CLPX: variants seen among roughly 807,000 people sequenced by gnomAD.
CLPX encodes the protein ATP-dependent clpX-like chaperone, mitochondrial.
A neutral mutation model predicts 76.4 loss-of-function variants in CLPX; 34 were observed. The ratio of observed to expected loss-of-function variants is 0.45; its 90% CI spans 0.34 to 0.59. The LOEUF (loss-of-function observed/expected upper bound fraction) is 0.59. CLPX is among the 20% of genes least tolerant of loss of function. CLPX has a pLI of 0.01. For missense variants in CLPX, 613 were observed against 757.0 expected, an observed-to-expected ratio of 0.81 and a Z score of 2.23; for synonymous variants, 248 against 270.9, an observed-to-expected ratio of 0.92 and a Z score of 0.83.
At chr15:65,155,613 C>T (rs1208401119) in intron 10 of CLPX, 79 bp downstream of exon 10, 24 of 1,189,496 alleles carry the variant, frequency 2.0e-5, no homozygotes, top group East Asian at 4.7e-5. Flanking sequence ...ACTGGTAGCC[C>T]GCAGATATGA....
intron 12 of CLPX, among the ~76,000 whole-genome samples, 178 bp downstream of exon 12, chr15:65,153,369 G>T (rs1000450538): frequency 3.3e-5 from 5 of 152,116 alleles, no homozygotes; most frequent in Non-Finnish European, 7.4e-5. Flanking sequence ...AAGACTGCTT[G>T]AGCCTCAGCC....
At chr15:65,163,916 TG>T (rs1408640331) in intron 5 of CLPX, 112 bp downstream of exon 5, 5 of 1,033,322 alleles carry the variant, frequency 4.8e-6, no homozygotes, top group Non-Finnish European at 7.3e-6. Context: ...ACCTGCACTT[TG>T]AAAAATGCCA....
intron 3 of CLPX, among the ~76,000 whole-genome samples, chr15:65,169,726 G>A (rs942592310): frequency 6.6e-6 from 1 of 151,658 alleles, no homozygotes; most frequent in African/African-American, 2.4e-5. Flanking sequence ...AACAACACAT[G>A]GTTATAGGAT....
rs750476540 is a variant in CLPX at position 65,155,822 on chromosome 15, T to C, written c.1181A>G (p.Asn394Ser). The stretch of plus-strand genomic sequence containing the variant: ...CTTTCGGGAATTCTTTTCTGGAACA[T>C]TGACTATTGTGCCTTCTAGTAGTTT... ...LLKLLEGTIVNVPEKNSRKLR... is the reference protein window; with the variant it reads ...LLKLLEGTIVSVPEKNSRKLR... The change falls in exon 10 of 14, where the codon AAT becomes AGT. Residue 394 changes from asparagine (N) to serine (S), a missense_variant. Around this residue, in one of 2 missense-constraint regions of CLPX, gnomAD observed 450 missense variants for 638.6 expected, o/e 0.70. Transcript: ENST00000300107. 3.7e-6 allele frequency: 6 copies of C among 1,613,838 alleles called. No individual in the cohort carries two copies. Among genetic ancestry groups the C allele is most frequent in the African/African-American group, 2.7e-5 (2 of 74,912 alleles).
At position 65,150,235 on chromosome 15, in the gene CLPX, ATTT is replaced by A. The variant is rs1407269636; in HGVS notation, c.*585_*587del. 3 of 152,170 alleles carry A rather than the reference ATTT, an allele frequency of 2.0e-5. No individual in the cohort carries two copies. The highest frequency in any genetic ancestry group is 4.4e-5 in the Non-Finnish European group (3 of 68,082). The allele number at this position is 152,170 out of a possible 1,614,324, so 9.4% of individuals were successfully genotyped here. A position where few individuals can be genotyped will look rare whatever the true frequency, so the allele number is the denominator to read the frequency against. On this transcript the variant is annotated 3_prime_UTR_variant, in exon 14 of 14. Transcript: ENST00000300107. ...CCACGGCACCCAGCTAATTTTTCATATTTTTAGTAGAGATGGGGTTTCACCATC... is the reference window on the plus strand; with the variant it reads ...CCACGGCACCCAGCTAATTTTTCATATTAGTAGAGATGGGGTTTCACCATC...
At chr15:65,179,078 A>G (rs1410364280) in intron 2 of CLPX, 27 bp from the exon 3 acceptor site, 2 of 1,418,946 alleles carry the variant, frequency 1.4e-6, no homozygotes, top group Non-Finnish European at 2.0e-6. Context: ...AGAAAAAAGG[A>G]AGAGTGTCAA....
intron 5 of CLPX, 25 bp downstream of exon 5, chr15:65,164,004 T>G: frequency 6.2e-7 from 1 of 1,600,010 alleles, no homozygotes. Context: ...CAATCTCTAT[T>G]TAGGTCAATT....
intron 4 of CLPX, among the ~76,000 whole-genome samples, chr15:65,166,177 T>C (rs1044684176): frequency 2.0e-5 from 3 of 152,066 alleles, no homozygotes; most frequent in African/African-American, 7.2e-5. Flanking sequence ...ATGAAAAAAC[T>C]ACTTACTTAC....
At chr15:65,176,978 G>A (rs2140646354) in intron 3 of CLPX, among the ~76,000 whole-genome samples, 1 of 152,018 alleles carries the variant, frequency 6.6e-6, no homozygotes, top group East Asian at 1.9e-4. Context: ...TAAAATATAA[G>A]ACACTGACCT....
chr15:65,180,331 G>GA (rs1365058296), intron 1 of CLPX, 127 bp from the exon 2 acceptor site: 24 of 600,408 alleles, frequency 4.0e-5, no homozygotes, highest in Non-Finnish European at 5.0e-5. Flanking sequence ...TAAACTGAGA[G>GA]AAAAAAAATG....
rs117151250 is a variant in CLPX at position 65,156,732 on chromosome 15, C to T, written c.1146+112G>A. 4,337 of 609,866 alleles carry T rather than the reference C, an allele frequency of 7.1e-3. 37 individuals carry two copies. The highest frequency in any genetic ancestry group is 0.027 in the Middle Eastern group (104 of 3,824). 37.8% of individuals were successfully genotyped at this position (609,866 alleles called of 1,614,324 possible). ...CAAAATGATATGTGGAGTTTGGGGG[C>T]GGAAGAAATAAAACAGAATCTAATT... On this transcript the variant is annotated intron_variant, in intron 9 of 13. Coordinates refer to ENST00000300107, the MANE Select transcript of CLPX (RefSeq NM_006660.5).
intron 6 of CLPX, among the ~76,000 whole-genome samples, chr15:65,159,832 A>G (rs1218158759): frequency 2.8e-5 from 4 of 142,014 alleles, no homozygotes; most frequent in Non-Finnish European, 6.1e-5. Flanking sequence ...TTTTATTTTG[A>G]GACAGAGTCT....
In CLPX at chr15:65,185,220, C is replaced by T; in HGVS notation, c.-67G>A. The T allele has an allele frequency of 1.5e-6, 2 of 1,352,674 alleles. No homozygotes were observed. The highest frequency in any genetic ancestry group is 2.6e-5 in the South Asian group (2 of 77,344). The allele number at this position is 1,352,674 out of a possible 1,614,324, so 83.8% of individuals were successfully genotyped here. ...CCGGGTCACAGCGGCGTGAATCCTG[C>T]CCGCAAGGCGCGCTGACTCGGTTCC... On this transcript the variant is annotated 5_prime_UTR_variant, in exon 1 of 14. Coordinates refer to ENST00000300107, the MANE Select transcript of CLPX (RefSeq NM_006660.5).
In CLPX at chr15:65,179,999, G is replaced by C. The variant is rs548784021; in HGVS notation, c.240+45C>G. 6 of 1,389,418 alleles carry C rather than the reference G, an allele frequency of 4.3e-6. No homozygotes were observed. In the East Asian group the frequency reaches 9.7e-5, roughly 23 times the overall value. 86.1% of individuals were successfully genotyped at this position (1,389,418 alleles called of 1,614,324 possible). The stretch of plus-strand genomic sequence containing the variant: ...AGTACTGTTATATTTTTTTAAAGGA[G>C]GGAACTCACAATGTGTACAGATGCC... On this transcript the variant is annotated intron_variant, in intron 2 of 13. Transcript: ENST00000300107.
chr15:65,168,337 T>C (rs1264907724), intron 3 of CLPX, among the ~76,000 whole-genome samples: 3 of 115,986 alleles, frequency 2.6e-5, no homozygotes, highest in South Asian at 3.1e-4. Flanking sequence ...TGAGATGAGA[T>C]TGCACCACTG....
At chr15:65,176,948 A>T (rs564533171) in intron 3 of CLPX, among the ~76,000 whole-genome samples, 1 of 151,930 alleles carries the variant, frequency 6.6e-6, no homozygotes, top group African/African-American at 2.4e-5. Context: ...AAGAAAAAAA[A>T]AGGAGGAAAA....
chr15:65,162,107 T>G (rs1000876773), intron 6 of CLPX, among the ~76,000 whole-genome samples: 10 of 152,138 alleles, frequency 6.6e-5, no homozygotes, highest in African/African-American at 2.4e-4. Context: ...TCCAAAGGAA[T>G]AGGTGGAACA....
At position 65,175,921 on chromosome 15, in the gene CLPX, A is replaced by G. The variant is rs144672714; in HGVS notation, c.358+3013T>C. On this transcript the variant is annotated intron_variant, in intron 3 of 13. Transcript: ENST00000300107. ...GCTCACTGCACTGCTAGGGCCTACA[A>G]ATAGTTAGAGGACAGGGACAGTGTC... 5.1e-3 allele frequency among the ~76,000 whole-genome samples: 777 copies of G among 152,326 alleles called. 6 individuals are homozygous for G. The highest frequency in any genetic ancestry group is 8.5e-3 in the Non-Finnish European group (579 of 68,014).
intron 7 of CLPX, 146 bp from the exon 8 acceptor site, chr15:65,158,056 C>T (rs2087811712): frequency 1.6e-6 from 1 of 638,376 alleles, no homozygotes; most frequent in African/African-American, 1.9e-5. Flanking sequence ...TTTTTAGAGA[C>T]AGGTTCTTGC....
Sources: allele counts gnomAD v4.1 joint callset (sites outside exome capture counted in the v4.1 genomes callset), GRCh38; gene constraint gnomAD v4.1.1; regional missense constraint gnomAD v4.1.1; transcripts MANE v1.5; gene names NCBI Gene and HGNC (gene_info 2026-07-23, HGNC 2026-07-21).